Variants in IQCN observed in about 807,000 individuals in gnomAD.
IQCN encodes IQ motif containing N.
IQCN carries 46 observed loss-of-function variants against 64.4 expected under a neutral mutation model. The ratio of observed to expected loss-of-function variants is 0.71; its 90% CI spans 0.56 to 0.91. The LOEUF (loss-of-function observed/expected upper bound fraction) is 0.91, where lower values mean the gene tolerates loss of function less well. Among genes scored for constraint, IQCN ranks in the 40% least tolerant of loss-of-function variants. The pLI is 0.00. For missense variants in IQCN, 1,753 were observed against 1,857.4 expected (o/e 0.94, Z 1.03); for synonymous variants, 733 against 775.6 (o/e 0.95, Z 0.91).
intron 2 of IQCN, among the ~76,000 whole-genome samples, chr19:18,269,230 G>C (rs2148110585): frequency 6.6e-6 from 1 of 152,118 alleles, no homozygotes; most frequent in East Asian, 1.9e-4. Flanking sequence ...AGACTGATGG[G>C]TGGATGGGTG....
At position 18,258,354 on chromosome 19, in the gene IQCN, G is replaced by C. The variant is rs767025199; in HGVS notation, c.3178-248C>G. Reference sequence around the variant, plus strand: ...TGCAGAGGGCCTGTGGGTGGGGTTTGCACCACTTCGGGCTGAGGCCTGGGA... The same window carrying C: ...TGCAGAGGGCCTGTGGGTGGGGTTTCCACCACTTCGGGCTGAGGCCTGGGA... On this transcript the variant is annotated intron_variant, in intron 3 of 3. Transcript: ENST00000392413. 9 of 689,930 alleles carry C rather than the reference G, an allele frequency of 1.3e-5. No homozygotes were observed. In the South Asian group the frequency reaches 1.4e-4, roughly 10 times the overall value. 42.7% of individuals were successfully genotyped at this position (689,930 alleles called of 1,614,324 possible).
At position 18,266,010 on chromosome 19, in the gene IQCN, C is replaced by G; in HGVS notation, c.1530G>C (p.Ser510=). The G allele has an allele frequency of 6.2e-7, 1 of 1,613,990 alleles. No individual in the cohort carries two copies. The highest frequency in any genetic ancestry group is 8.5e-7 in the Non-Finnish European group (1 of 1,179,914). ...MITKTPAQLR[S]VATILKTLCL... ...ACAGAGTCTTGAGGATGGTGGCCAC[C>G]GAGCGTAACTGGGCTGGGGTCTTGG... is the stretch of plus-strand genomic sequence containing the variant. Residue 510 remains serine, a synonymous_variant, in exon 3 of 4, where the codon TCG becomes TCC. Coordinates refer to ENST00000392413, the MANE Select transcript of IQCN (RefSeq NM_001145304.2). This position sits in a 1 kb window ranked among gnomAD's most constrained non-coding sequence, Gnocchi z 4.3.
Position 18,266,605 on chromosome 19 carries a change from G to A in IQCN, c.935C>T (p.Ala312Val), listed in dbSNP as rs181706934. The A allele has an allele frequency of 6.2e-7, 1 of 1,613,920 alleles. No homozygotes were observed. Among genetic ancestry groups the A allele is most frequent in the African/African-American group, 1.3e-5 (1 of 74,996 alleles). ...TGCTTTCACAGGGCCCTGGGTTTGG[G>A]CTCTGGATGGTCTCGTAACTGCCTG... ...YDQAVTRPSRAQTQGPVKAET... is the reference protein window; with the variant it reads ...YDQAVTRPSRVQTQGPVKAET... The change falls in exon 3 of 4, where the codon GCC becomes GTC. Residue 312 changes from alanine to valine, a missense_variant. Transcript: ENST00000392413. This position sits in a 1 kb window ranked among gnomAD's most constrained non-coding sequence, Gnocchi z 4.3.
In IQCN at chr19:18,273,483, T is replaced by G. The variant is rs150539535; in HGVS notation, c.-110+920A>C. ...TCCCAAATAGCTAGGATTACAGGCA[T>G]GCGCCACCACACCTAATTTCGTATT... On this transcript the variant is annotated intron_variant, in intron 1 of 3. Coordinates refer to ENST00000392413, the MANE Select transcript of IQCN (RefSeq NM_001145304.2). Among the ~76,000 whole-genome samples the G allele has an allele frequency of 3.4e-3, 511 of 152,316 alleles. 4 individuals are homozygous for G. Among genetic ancestry groups the G allele is most frequent in the African/African-American group, 0.011 (475 of 41,564 alleles).
Position 18,257,728 on chromosome 19 carries a change from G to A in IQCN, c.3556C>T (p.Leu1186Phe). The change falls in exon 4 of 4, where the codon CTC becomes TTC. Residue 1186 changes from leucine to phenylalanine, a missense_variant. Transcript: ENST00000392413. ...RRDQARHWQM[L>F]HPVTWVELGS... ...AGCTCCACCCACGTGACGGGGTGGA[G>A]CATCTGCCAGTGCCGGGCTTGGTCC... is the stretch of plus-strand genomic sequence containing the variant. 2 of 1,610,510 alleles carry A rather than the reference G, an allele frequency of 1.2e-6. No homozygotes were observed. Among genetic ancestry groups the A allele is most frequent in the Non-Finnish European group, 8.5e-7 (1 of 1,178,544 alleles).
At chr19:18,261,454 T>A (rs72479531) in intron 3 of IQCN, 40,542 of 155,250 alleles carry the variant, frequency 0.26, 5,443 homozygotes, top group Admixed American at 0.34. Context: ...ATGGCTAGGC[T>A]TGGGGACACT....
chr19:18,264,953 C>A lies in IQCN; in HGVS notation c.2587G>T (p.Gly863Cys). The A allele has an allele frequency of 6.2e-7, 1 of 1,611,156 alleles. No homozygotes were observed. Among genetic ancestry groups the A allele is most frequent in the Non-Finnish European group, 8.5e-7 (1 of 1,180,014 alleles). ...GATRAQPSMP[G>C]QAVPCQEDTV... The stretch of plus-strand genomic sequence containing the variant: ...TCCTCCTGGCAGGGCACCGCCTGGC[C>A]GGGCATTGATGGCTGGGCACGTGTG... Residue 863 changes from glycine (G) to cysteine (C), a missense_variant, in exon 3 of 4, where the codon GGC becomes TGC. Transcript: ENST00000392413. This position sits in a 1 kb window ranked among gnomAD's most constrained non-coding sequence, Gnocchi z 4.3.
chr19:18,257,553 C>G lies in IQCN; in HGVS notation c.3731G>C (p.Ser1244Thr). The G allele has an allele frequency of 4.3e-6, 7 of 1,612,476 alleles. No individual in the cohort carries two copies. Among genetic ancestry groups the G allele is most frequent in the Non-Finnish European group, 5.1e-6 (6 of 1,179,778 alleles). Residue 1244 changes from serine (S) to threonine (T), a missense_variant, in exon 4 of 4, where the codon AGC becomes ACC. Ser to Thr is a moderately conservative substitution (Grantham distance 58). Transcript: ENST00000392413. ...GCTGGAGCCCACTAGCATCACCACG[C>G]TGGGCGGGCTCCCGATCCTGGAGCT... is the stretch of plus-strand genomic sequence containing the variant. Reference protein sequence around the residue: ...SLSSRIGSPPSVVMLVGSSPR... With the variant: ...SLSSRIGSPPTVVMLVGSSPR...
chr19:18,266,913 G>C lies in IQCN; in HGVS notation c.627C>G (p.Pro209=), dbSNP rs746966070. 1.4e-5 allele frequency: 23 copies of C among 1,607,554 alleles called. No homozygotes were observed. Among genetic ancestry groups the C allele is most frequent in the South Asian group, 2.2e-5 (2 of 90,536 alleles). ...CCTGAGCTGCTGGGGGCTGCAGGAG[G>C]GGGGACGACTGGGGTCTGCAGAGGA... ...NLVLCRPQSS[P]LLQPPAAQGT... is the part of the protein sequence containing the mutation. The change falls in exon 3 of 4, where the codon CCC becomes CCG. Residue 209 remains proline (P), a synonymous_variant. Coordinates refer to ENST00000392413, the MANE Select transcript of IQCN (RefSeq NM_001145304.2). The surrounding 1 kb of genome is among the most constrained non-coding windows in gnomAD (Gnocchi z 4.3).
chr19:18,270,046 T>G, intron 1 of IQCN, among the ~76,000 whole-genome samples: 1 of 101,754 alleles, frequency 9.8e-6, no homozygotes. Flanking sequence ...GCAAGAACTG[T>G]CTCTTAAAAA....
In IQCN at chr19:18,257,991, C is replaced by T. The variant is rs764350386; in HGVS notation, c.3293G>A (p.Arg1098Gln). 2.2e-5 allele frequency: 36 copies of T among 1,612,468 alleles called. No individual in the cohort carries two copies. The highest frequency in any genetic ancestry group is 2.2e-4 in the East Asian group (10 of 44,882). Reference protein sequence around the residue: ...WRNKAVVPPRRSGEPMVSMQA... With the variant: ...WRNKAVVPPRQSGEPMVSMQA... ...CATGGACACCATTGGCTCCCCGGACCGCCTGGGAGGCACCACCGCCTTGTT... is the reference window on the plus strand; with the variant it reads ...CATGGACACCATTGGCTCCCCGGACTGCCTGGGAGGCACCACCGCCTTGTT... Residue 1098 changes from arginine (R) to glutamine (Q), a missense_variant, in exon 4 of 4, where the codon CGG becomes CAG. Arg to Gln is a conservative substitution (Grantham distance 43). Transcript: ENST00000392413.
chr19:18,271,983 GTTTGT>G (rs999991826), intron 1 of IQCN, among the ~76,000 whole-genome samples: 14 of 151,430 alleles, frequency 9.2e-5, no homozygotes, highest in African/African-American at 1.5e-4. Context: ...AGCTAATTTT[GTTTGT>G]TTTGTTTTGT....
chr19:18,266,780 CCA>C lies in IQCN; in HGVS notation c.758_759del (p.Leu253ArgfsTer24). On this transcript the variant is annotated frameshift_variant, in exon 3 of 4. Transcript: ENST00000392413. LOFTEE classifies it high-confidence loss of function. The surrounding 1 kb of genome is among the most constrained non-coding windows in gnomAD (Gnocchi z 4.3). ...VTIRFPCPVS[L>X]DAKCQPCLLT... ...AGCAGGCATGGCTGGCATTTTGCGT[CCA>C]GACTCACTGGGCAGGGAAATCTGAT... is the stretch of plus-strand genomic sequence containing the variant. The C allele has an allele frequency of 6.2e-7, 1 of 1,614,180 alleles. No individual in the cohort carries two copies. The highest frequency in any genetic ancestry group is 8.5e-7 in the Non-Finnish European group (1 of 1,180,016).
chr19:18,268,398 T>C (rs1473214678), intron 2 of IQCN, among the ~76,000 whole-genome samples: 1 of 151,670 alleles, frequency 6.6e-6, no homozygotes, highest in East Asian at 1.9e-4. Context: ...GGTGAGTGGA[T>C]TGGAAGTTGG....
In IQCN at chr19:18,270,628, G is replaced by C. The variant is rs148932277; in HGVS notation, c.-109-1041C>G. Among the ~76,000 whole-genome samples, 86 of 151,958 alleles carry C rather than the reference G, an allele frequency of 5.7e-4. 1 individual carries two copies. The highest frequency in any genetic ancestry group is 2.0e-3 in the African/African-American group (85 of 41,504). On this transcript the variant is annotated intron_variant, in intron 1 of 3. Coordinates refer to ENST00000392413, the MANE Select transcript of IQCN (RefSeq NM_001145304.2). ...AAGCTACGATGGCACCACTGCACTC[G>C]AGCCTGAGCGACAGAATGAGACCCT... is the stretch of plus-strand genomic sequence containing the variant.
chr19:18,272,146 CTTT>C (rs1314091715), intron 1 of IQCN, among the ~76,000 whole-genome samples: 7 of 113,022 alleles, frequency 6.2e-5, no homozygotes, highest in Admixed American at 9.9e-5. Flanking sequence ...TTCTCTCTCT[CTTT>C]TGAGTTTTGT....
At chr19:18,270,830 CAAAAAAA>C (rs55706433) in intron 1 of IQCN, among the ~76,000 whole-genome samples, 1 of 107,064 alleles carries the variant, frequency 9.3e-6, no homozygotes, top group African/African-American at 3.4e-5. Flanking sequence ...GACCCTGTCT[CAAAAAAA>C]AAAAAAAAAA....
chr19:18,272,671 C>T (rs540126014), intron 1 of IQCN, among the ~76,000 whole-genome samples: 10,153 of 150,124 alleles, frequency 0.068, 577 homozygotes, highest in African/African-American at 0.15. Context: ...AGTGCACTGG[C>T]ACCATCTCGG....
chr19:18,264,910 A>G lies in IQCN; in HGVS notation c.2630T>C (p.Leu877Pro). Residue 877 changes from leucine to proline, a missense_variant, in exon 3 of 4, where the codon CTG becomes CCG. Leu to Pro is a moderately conservative substitution (Grantham distance 98). Transcript: ENST00000392413. The surrounding 1 kb of genome is among the most constrained non-coding windows in gnomAD (Gnocchi z 4.3). ...PCQEDTVGSL[L>P]ASLCAEVAGV... ...AGCTACTTCAGCACACAAGGAGGCC[A>G]GCAGGGAGCCTACCGTGTCCTCCTG... 1 of 1,613,412 alleles carries G rather than the reference A, an allele frequency of 6.2e-7. No homozygotes were observed. The highest frequency in any genetic ancestry group is 8.5e-7 in the Non-Finnish European group (1 of 1,179,980).
Sources: gnomAD v4.1 joint callset for allele counts (sites outside exome capture counted in the v4.1 genomes callset) on GRCh38, gnomAD v4.1.1 for gene constraint, Gnocchi (gnomAD v3.1) non-coding constraint, MANE v1.5 for transcripts, NCBI Gene and HGNC (gene_info 2026-07-23, HGNC 2026-07-21) for gene names.